The following PLAC1 variants were observed in gnomAD, a reference collection of about 807,000 sequenced individuals.
The protein encoded by PLAC1 is placenta-specific protein 1.
For missense variants in PLAC1, 136 were observed against 163.2 expected (o/e 0.83, Z 0.91); for synonymous variants, 68 against 62.1 (o/e 1.09, Z -0.44).
intron 1 of PLAC1, among the ~76,000 whole-genome samples, chrX:134,619,743 A>AGAAT (rs1479984820): frequency 2.1e-4 from 23 of 111,899 alleles, no homozygotes; most frequent in South Asian, 7.5e-4. Context: ...TCTTTAAATA[A>AGAAT]CAAGCCGATC....
intron 2 of PLAC1, among the ~76,000 whole-genome samples, chrX:134,703,319 A>G (rs990571193): frequency 2.7e-5 from 3 of 112,113 alleles, no homozygotes; most frequent in African/African-American, 9.7e-5. Context: ...TAACATTAAA[A>G]AATAGACTGA....
At chrX:134,717,950 C>A (rs2078647992) in intron 2 of PLAC1, among the ~76,000 whole-genome samples, 1 of 112,132 alleles carries the variant, frequency 8.9e-6, no homozygotes, top group Admixed American at 9.5e-5. Context: ...GGCATGTCAG[C>A]CACACTGGCC....
chrX:134,603,982 A>G (rs906485518), intron 1 of PLAC1, among the ~76,000 whole-genome samples: 3 of 112,896 alleles, frequency 2.7e-5, no homozygotes, highest in African/African-American at 9.7e-5. Flanking sequence ...CAACTGCTGA[A>G]GAAACCAAGA....
intron 1 of PLAC1, among the ~76,000 whole-genome samples, chrX:134,746,135 G>A: frequency 8.9e-6 from 1 of 112,662 alleles, no homozygotes; most frequent in Non-Finnish European, 1.9e-5. Flanking sequence ...TACTTGCAGT[G>A]CTCAGTGTGA....
At chrX:134,714,324 C>A (rs751854161) in intron 2 of PLAC1, among the ~76,000 whole-genome samples, 2 of 108,969 alleles carry the variant, frequency 1.8e-5, no homozygotes, top group Non-Finnish European at 3.8e-5. Context: ...TCTATCCCCC[C>A]ATCCCTCTCC....
At chrX:134,699,626 T>C (rs781056907) in intron 2 of PLAC1, among the ~76,000 whole-genome samples, 1 of 112,705 alleles carries the variant, frequency 8.9e-6, no homozygotes, top group Admixed American at 9.4e-5. Flanking sequence ...TTTCTGTTGT[T>C]GGTTAATTAC....
At chrX:134,750,453 A>G (rs139012809) in intron 1 of PLAC1, among the ~76,000 whole-genome samples, 229 of 109,909 alleles carry the variant, frequency 2.1e-3, no homozygotes, top group African/African-American at 7.3e-3. Context: ...TGCTGAAAAC[A>G]TTTACGCTAT....
chrX:134,638,788 A>C (rs1266996222), intron 1 of PLAC1, among the ~76,000 whole-genome samples: 3 of 111,302 alleles, frequency 2.7e-5, no homozygotes, highest in African/African-American at 6.5e-5. Flanking sequence ...AAACAAACAA[A>C]ACCTTTTATT....
chrX:134,727,400 G>T (rs2078677754), intron 2 of PLAC1, among the ~76,000 whole-genome samples: 1 of 112,064 alleles, frequency 8.9e-6, no homozygotes, highest in African/African-American at 3.2e-5. Context: ...GATTTGCCTT[G>T]TAATTTATGA....
At chrX:134,630,878 T>G (rs2078257747) in intron 1 of PLAC1, among the ~76,000 whole-genome samples, 1 of 111,656 alleles carries the variant, frequency 9.0e-6, no homozygotes, top group South Asian at 3.8e-4. Context: ...AGCTAAGTAT[T>G]CTAAAAAGCA....
chrX:134,757,387 G>A (rs983753789), intron 1 of PLAC1, among the ~76,000 whole-genome samples: 1 of 112,684 alleles, frequency 8.9e-6, no homozygotes, highest in Non-Finnish European at 1.9e-5. Flanking sequence ...ATATTCATGA[G>A]GGAACAATGT....
chrX:134,735,976 A>AAAAG (rs1491182359), intron 1 of PLAC1, among the ~76,000 whole-genome samples: 3 of 105,472 alleles, frequency 2.8e-5, no homozygotes, highest in African/African-American at 1.1e-4. Context: ...AAAAAAAAAA[A>AAAAG]GAAGAAGAAG....
chrX:134,585,599 T>C (rs989391184), intron 2 of PLAC1, among the ~76,000 whole-genome samples: 12 of 111,125 alleles, frequency 1.1e-4, no homozygotes, highest in African/African-American at 2.9e-4. Context: ...CTCCAGCTCA[T>C]GGGTTAATGA....
chrX:134,573,245 A>G (rs951129664), intron 2 of PLAC1, among the ~76,000 whole-genome samples: 2 of 112,433 alleles, frequency 1.8e-5, no homozygotes, highest in African/African-American at 6.5e-5. Context: ...AAAGAGATGT[A>G]TTTCATAATT....
rs188829273 is a variant in PLAC1, at chrX:134,748,265, G to A, written n.90-14746C>T. Among the ~76,000 whole-genome samples the A allele has an allele frequency of 2.8e-5, 3 of 108,206 alleles. No homozygotes were observed. In the Admixed American group the frequency reaches 3.0e-4, roughly 11 times the overall value. The allele number at this position is 108,206 out of a possible 115,157, so 94.0% of individuals were successfully genotyped here. ...GAATCACTTGAACCCGGGAGGCGGA[G>A]GTTGCAGTGGGCCAAGATCACGCCA... On this transcript the variant is annotated intron_variant and non_coding_transcript_variant, in intron 1 of 2. Coordinates refer to the PLAC1 transcript ENST00000466797.
chrX:134,701,521 T>C (rs1170522209), intron 2 of PLAC1, among the ~76,000 whole-genome samples: 3 of 111,299 alleles, frequency 2.7e-5, no homozygotes, highest in Non-Finnish European at 5.7e-5. Flanking sequence ...TGGGAGAAAA[T>C]ATTCACACAC....
At chrX:134,615,915 T>C (rs991683965) in intron 1 of PLAC1, among the ~76,000 whole-genome samples, 1 of 111,158 alleles carries the variant, frequency 9.0e-6, no homozygotes, top group African/African-American at 3.3e-5. Context: ...GGCTCTCTAT[T>C]CTATTCTATT....
intron 2 of PLAC1, among the ~76,000 whole-genome samples, chrX:134,675,579 C>A (rs766569457): frequency 2.7e-5 from 3 of 110,542 alleles, no homozygotes; most frequent in Non-Finnish European, 5.7e-5. Flanking sequence ...GCAGGAGAAT[C>A]GCTTGAATCC....
At chrX:134,634,409 A>T (rs1284913211) in intron 1 of PLAC1, among the ~76,000 whole-genome samples, 1 of 112,003 alleles carries the variant, frequency 8.9e-6, no homozygotes, top group Non-Finnish European at 1.9e-5. Context: ...GGCACAATTC[A>T]GTGGTTTTTA....
Sources: allele counts gnomAD v4.1 joint callset (sites outside exome capture counted in the v4.1 genomes callset), GRCh38; gene constraint gnomAD v4.1.1; transcripts MANE v1.5; gene names NCBI Gene and HGNC (gene_info 2026-07-23, HGNC 2026-07-21).